PKP1: variants seen among roughly 807,000 people sequenced by gnomAD.
PKP1 encodes plakophilin-1.
PKP1 carries 27 observed loss-of-function variants against 76.4 expected under a neutral mutation model. The ratio of observed to expected loss-of-function variants is 0.35; its 90% CI spans 0.26 to 0.49. The LOEUF (loss-of-function observed/expected upper bound fraction) is 0.49, where lower values mean the gene tolerates loss of function less well. PKP1 is among the 20% of genes least tolerant of loss of function. PKP1 has a pLI of 0.99. For synonymous variants in PKP1, 404 were observed against 384.2 expected (o/e 1.05, Z -0.60); for missense variants, 964 against 955.2 (o/e 1.01, Z -0.12).
intron 9 of PKP1, 78 bp from the exon 10 acceptor site, chr1:201,324,350 G>A: frequency 6.8e-7 from 1 of 1,472,208 alleles, no homozygotes; most frequent in Non-Finnish European, 9.5e-7. Flanking sequence ...TCTGCCTTTG[G>A]GGCTCCTTGC....
chr1:201,287,554 G>A (rs16848228), intron 1 of PKP1, among the ~76,000 whole-genome samples: 6,021 of 152,248 alleles, frequency 0.04, 387 homozygotes, highest in African/African-American at 0.14. Context: ...TTCCATTGGC[G>A]AAACATACCA....
chr1:201,300,833 G>A lies in PKP1; in HGVS notation c.306+6788G>A, dbSNP rs112930746. Among the ~76,000 whole-genome samples, 960 of 152,326 alleles carry A rather than the reference G, an allele frequency of 6.3e-3. 12 individuals carry two copies. Among genetic ancestry groups the A allele is most frequent in the African/African-American group, 0.022 (908 of 41,568 alleles). ...GCTCCAGGTGCAGGAAGTCGGGATC[G>A]GCTCCTGGAGGAGCTGAGCTTTGAA... On this transcript the variant is annotated intron_variant, in intron 2 of 13. Transcript: ENST00000367324.
chr1:201,314,075 T>C (rs936592804), intron 3 of PKP1, among the ~76,000 whole-genome samples: 1 of 152,240 alleles, frequency 6.6e-6, no homozygotes, highest in African/African-American at 2.4e-5. Flanking sequence ...TGCCCCGGTA[T>C]GGACGACGGG....
intron 2 of PKP1, among the ~76,000 whole-genome samples, chr1:201,309,384 A>AC (rs1656467529): frequency 6.6e-6 from 1 of 151,858 alleles, no homozygotes; most frequent in South Asian, 2.1e-4. Flanking sequence ...GGGCTGTGGG[A>AC]CCCCTCAAAA....
rs761277402 is a variant in PKP1, at chr1:201,313,544, T to G, written c.685T>G (p.Ser229Ala). The change falls in exon 3 of 14, where the codon TCT (serine) becomes GCT (alanine). Residue 229 changes from serine to alanine, a missense_variant. Coordinates refer to ENST00000367324, the MANE Select transcript of PKP1 (RefSeq NM_001005337.3). The stretch of plus-strand genomic sequence containing the variant: ...CAACAAGGACCTGTCCTTTGGCCAC[T>G]CTAGGGCCAGCTCCAAGTGAGTGCT... Reference protein sequence around the residue: ...SCNKDLSFGHSRASSKICSED... With the variant: ...SCNKDLSFGHARASSKICSED... The G allele has an allele frequency of 2.5e-6, 4 of 1,613,294 alleles. No homozygotes were observed. Among genetic ancestry groups the G allele is most frequent in the Non-Finnish European group, 2.5e-6 (3 of 1,179,458 alleles).
intron 6 of PKP1, among the ~76,000 whole-genome samples, chr1:201,319,649 G>A (rs1656876411): frequency 6.6e-6 from 1 of 152,196 alleles, no homozygotes. Context: ...CCTGCACCAG[G>A]CTGATGAGCC....
chr1:201,328,451 T>C (rs80074857), intron 12 of PKP1: 1 of 423,178 alleles, frequency 2.4e-6, no homozygotes, highest in African/African-American at 2.0e-5. Flanking sequence ...TCTAATCTGA[T>C]TTTGATTGTT....
At chr1:201,315,904 A>T (rs1225919484) in intron 3 of PKP1, among the ~76,000 whole-genome samples, 1 of 152,196 alleles carries the variant, frequency 6.6e-6, no homozygotes, top group Non-Finnish European at 1.5e-5. Context: ...CTTGAGGAAG[A>T]AAGCCAAATA....
intron 6 of PKP1, chr1:201,319,895 A>G (rs1386715282): frequency 6.2e-7 from 1 of 1,613,648 alleles, no homozygotes; most frequent in African/African-American, 1.3e-5. Context: ...CTTGGGATGC[A>G]GCTGCGGAGG....
chr1:201,298,564 G>A (rs1038358961), intron 2 of PKP1, among the ~76,000 whole-genome samples: 2 of 152,176 alleles, frequency 1.3e-5, no homozygotes, highest in Non-Finnish European at 2.9e-5. Flanking sequence ...AACCACTGAG[G>A]CATCATCAGA....
chr1:201,322,809 C>T (rs758676071), intron 8 of PKP1, among the ~76,000 whole-genome samples: 8 of 152,208 alleles, frequency 5.3e-5, no homozygotes, highest in Non-Finnish European at 1.0e-4. Context: ...ATGGCCCATT[C>T]CTGCATCCCA....
At position 201,283,681 on chromosome 1, in the gene PKP1, G is replaced by A. The variant is rs758671726; in HGVS notation, c.-22G>A. ...CTCTGCTCTCCTAGGCCCCGGCCGC[G>A]CGCCACCCGCCTCCCGCCACCATGA... On this transcript the variant is annotated 5_prime_UTR_variant, in exon 1 of 14. Coordinates refer to ENST00000367324, the MANE Select transcript of PKP1 (RefSeq NM_001005337.3). The A allele has an allele frequency of 1.2e-6, 2 of 1,608,632 alleles. No individual in the cohort carries two copies. Among genetic ancestry groups the A allele is most frequent in the Non-Finnish European group, 1.7e-6 (2 of 1,177,054 alleles).
chr1:201,328,146 A>G (rs1042994937), intron 12 of PKP1, among the ~76,000 whole-genome samples: 1 of 152,150 alleles, frequency 6.6e-6, no homozygotes, highest in African/African-American at 2.4e-5. Flanking sequence ...CATTCAAATC[A>G]TGCTGTCCAC....
chr1:201,325,615 C>T, intron 11 of PKP1, 139 bp from the exon 12 acceptor site: 1 of 719,332 alleles, frequency 1.4e-6, no homozygotes, highest in Admixed American at 2.0e-5. Flanking sequence ...CAATGGGGCT[C>T]CTCTCTTTTG....
chr1:201,326,504 A>G (rs930284674), intron 12 of PKP1, among the ~76,000 whole-genome samples: 1 of 152,276 alleles, frequency 6.6e-6, no homozygotes, highest in Non-Finnish European at 1.5e-5. Flanking sequence ...AAGCATGGAC[A>G]TAAAGGACAG....
chr1:201,318,688 G>A lies in PKP1; in HGVS notation c.1125G>A (p.Leu375=). Residue 375 remains leucine, a synonymous_variant, in exon 6 of 14, where the codon CTG becomes CTA. Transcript: ENST00000367324. The part of the protein sequence containing the change: ...EELIADALPV[L]ADRVIIPFSG... ...TCATTGCCGACGCCCTGCCTGTTCTGGCCGACCGCGTCATCATTCCCTTCT... is the reference window on the plus strand; with the variant it reads ...TCATTGCCGACGCCCTGCCTGTTCTAGCCGACCGCGTCATCATTCCCTTCT... The A allele has an allele frequency of 1.9e-6, 3 of 1,612,344 alleles. No individual in the cohort carries two copies. Among genetic ancestry groups the A allele is most frequent in the Non-Finnish European group, 2.5e-6 (3 of 1,179,930 alleles).
chr1:201,320,148 C>A, intron 6 of PKP1, 119 bp from the exon 7 acceptor site: 1 of 736,192 alleles, frequency 1.4e-6, no homozygotes, highest in Non-Finnish European at 2.4e-6. Flanking sequence ...TCCTCTCTGC[C>A]CTCCCCTCTC....
chr1:201,283,627 C>T lies in PKP1; in HGVS notation c.-76C>T. 1.5e-6 allele frequency: 2 copies of T among 1,317,876 alleles called. No individual in the cohort carries two copies. The highest frequency in any genetic ancestry group is 2.1e-6 in the Non-Finnish European group (2 of 933,288). 81.6% of individuals were successfully genotyped at this position (1,317,876 alleles called of 1,614,324 possible). A position where few individuals can be genotyped will look rare whatever the true frequency, so the allele number is the denominator to read the frequency against. The stretch of plus-strand genomic sequence containing the variant: ...AGAGCGAGAAGAGCACGCTCCTGCC[C>T]GCCCGCTGCACCGCACCTCGCCTCG... On this transcript the variant is annotated 5_prime_UTR_variant, in exon 1 of 14. Transcript: ENST00000367324.
chr1:201,330,048 A>G (rs992386689), intron 13 of PKP1, 26 bp from the exon 14 acceptor site: 5 of 152,214 alleles, frequency 3.3e-5, no homozygotes, highest in African/African-American at 4.8e-5. Context: ...TGTAAACACT[A>G]ACTGGAGGAC....
Sources: allele counts gnomAD v4.1 joint callset (sites outside exome capture counted in the v4.1 genomes callset), GRCh38; gene constraint gnomAD v4.1.1; transcripts MANE v1.5; gene names NCBI Gene and HGNC (gene_info 2026-07-23, HGNC 2026-07-21).